Variants in PBX3 observed in about 807,000 individuals in gnomAD.
PBX3 encodes the protein PBX homeobox 3.
In PBX3, 14 loss-of-function variants were observed where a neutral mutation model predicts 48.5. The ratio of observed to expected loss-of-function variants is 0.29; its 90% CI spans 0.19 to 0.45. PBX3 has a LOEUF of 0.45. PBX3 is among the 20% of genes least tolerant of loss of function. The pLI, the probability that PBX3 is intolerant of heterozygous loss-of-function variation, is 1.00. For synonymous variants in PBX3, 210 were observed against 200.3 expected (o/e 1.05, Z -0.41); for missense variants, 386 against 546.7 (o/e 0.71, Z 2.93).
At chr9:125,802,386 A>T (rs1310278136) in intron 2 of PBX3, among the ~76,000 whole-genome samples, 1 of 30,332 alleles carries the variant, frequency 3.3e-5, no homozygotes, top group Non-Finnish European at 8.4e-5. Flanking sequence ...TTTTTTTTTA[A>T]AGACAGGGTC....
intron 2 of PBX3, among the ~76,000 whole-genome samples, chr9:125,869,693 C>T (rs1173589665): frequency 6.6e-6 from 1 of 152,080 alleles, no homozygotes; most frequent in Non-Finnish European, 1.5e-5. Context: ...AAGGTATCTT[C>T]AGACTCATAA....
chr9:125,927,625 A>G (rs1193503056), intron 3 of PBX3, among the ~76,000 whole-genome samples: 1 of 152,194 alleles, frequency 6.6e-6, no homozygotes, highest in Non-Finnish European at 1.5e-5. Context: ...CCCATCCTGC[A>G]TTTTTAAGAA....
At chr9:125,905,175 G>GA (rs1170435423) in intron 2 of PBX3, among the ~76,000 whole-genome samples, 1 of 151,702 alleles carries the variant, frequency 6.6e-6, no homozygotes, top group Non-Finnish European at 1.5e-5. Context: ...AAGTAACTGG[G>GA]AAAAAAACTG....
intron 2 of PBX3, among the ~76,000 whole-genome samples, chr9:125,791,668 GCTCA>G (rs1837614397): frequency 1.3e-5 from 2 of 152,244 alleles, no homozygotes; most frequent in South Asian, 4.1e-4. Flanking sequence ...GGGCGCGGTG[GCTCA>G]CGCCTGTAAT....
intron 2 of PBX3, among the ~76,000 whole-genome samples, chr9:125,886,826 T>A (rs757398665): frequency 4.0e-4 from 61 of 152,076 alleles, no homozygotes; most frequent in Admixed American, 7.9e-4. Context: ...TTCTGAAAAA[T>A]TTTTTTATTT....
chr9:125,840,613 T>G (rs1175964765), intron 2 of PBX3, among the ~76,000 whole-genome samples: 2 of 151,920 alleles, frequency 1.3e-5, no homozygotes, highest in African/African-American at 4.8e-5. Flanking sequence ...CCTTGGTACA[T>G]TGACTGTAAT....
intron 1 of PBX3, 142 bp downstream of exon 1, chr9:125,747,795 C>T (rs1466012144): frequency 3.7e-5 from 22 of 589,392 alleles, no homozygotes; most frequent in Non-Finnish European, 5.5e-5. Context: ...CCCGCCCCGG[C>T]CTCGGGGGGA....
At chr9:125,826,663 T>G (rs1838816777) in intron 2 of PBX3, among the ~76,000 whole-genome samples, 1 of 152,118 alleles carries the variant, frequency 6.6e-6, no homozygotes. Flanking sequence ...GTACTAAGTA[T>G]TTAGATGGTT....
At chr9:125,827,965 A>G (rs1838855190) in intron 2 of PBX3, among the ~76,000 whole-genome samples, 1 of 152,146 alleles carries the variant, frequency 6.6e-6, no homozygotes, top group Non-Finnish European at 1.5e-5. Flanking sequence ...TTCTGGAACT[A>G]CGCATTTTGG....
chr9:125,948,722 A>G lies in PBX3; in HGVS notation c.844-11962A>G, dbSNP rs72752665. On this transcript the variant is annotated intron_variant, in intron 5 of 8. Coordinates refer to ENST00000373489, the MANE Select transcript of PBX3 (RefSeq NM_006195.6). ...GGTATATACGTGTGTGTGTGTGTGT[A>G]TATATATATATATACATGCACACAG... Among the ~76,000 whole-genome samples the G allele has an allele frequency of 8.4e-3, 812 of 96,472 alleles. 6 individuals carry two copies. The highest frequency in any genetic ancestry group is 0.023 in the East Asian group (61 of 2,630). The allele number at this position is 96,472 out of a possible 152,430, so 63.3% of individuals were successfully genotyped here. A position where few individuals can be genotyped will look rare whatever the true frequency, so the allele number is the denominator to read the frequency against.
intron 2 of PBX3, among the ~76,000 whole-genome samples, chr9:125,796,290 C>G (rs1036819489): frequency 6.6e-6 from 1 of 152,136 alleles, no homozygotes; most frequent in African/African-American, 2.4e-5. Flanking sequence ...TTAGCCTTTG[C>G]TTTTACAGAT....
intron 2 of PBX3, among the ~76,000 whole-genome samples, chr9:125,856,640 A>G (rs530944157): frequency 6.6e-6 from 1 of 152,328 alleles, no homozygotes; most frequent in South Asian, 2.1e-4. Flanking sequence ...ATCGTTGACA[A>G]ACTGCTCTTA....
At chr9:125,940,785 G>T (rs1841944555) in intron 5 of PBX3, among the ~76,000 whole-genome samples, 1 of 152,180 alleles carries the variant, frequency 6.6e-6, no homozygotes, top group Non-Finnish European at 1.5e-5. Flanking sequence ...AAAAACAAGA[G>T]AAATTAACCT....
At chr9:125,949,253 A>G in intron 5 of PBX3, 2 of 1,208,982 alleles carry the variant, frequency 1.7e-6, no homozygotes, top group Non-Finnish European at 2.3e-6. Flanking sequence ...TAATTTGCTC[A>G]GGGGATTCAG....
intron 2 of PBX3, among the ~76,000 whole-genome samples, chr9:125,818,922 G>GA (rs1838562567): frequency 6.0e-5 from 9 of 151,186 alleles, no homozygotes; most frequent in Admixed American, 1.3e-4. Context: ...TGCAGCCTCC[G>GA]TCTCCCAGGT....
rs1395873132 is a variant in PBX3, at chr9:125,965,863, A to G, written c.1245A>G (p.Pro415=). The G allele has an allele frequency of 6.2e-7, 1 of 1,614,160 alleles. No individual in the cohort carries two copies. The highest frequency in any genetic ancestry group is 1.7e-5 in the Admixed American group (1 of 60,028). ...ANGGWQDATT[P]SSVTSPTEGP... ...GAGGCTGGCAGGACGCAACAACTCCATCTTCTGTGACTTCTCCTACAGAAG... is the reference window on the plus strand; with the variant it reads ...GAGGCTGGCAGGACGCAACAACTCCGTCTTCTGTGACTTCTCCTACAGAAG... Residue 415 remains proline (P), a synonymous_variant, in exon 9 of 9, where the codon CCA becomes CCG. Transcript: ENST00000373489.
At chr9:125,815,181 A>G (rs1278274411) in intron 2 of PBX3, among the ~76,000 whole-genome samples, 3 of 152,212 alleles carry the variant, frequency 2.0e-5, no homozygotes, top group Non-Finnish European at 4.4e-5. Flanking sequence ...CCATTTTGAA[A>G]AGAATATTTT....
At chr9:125,781,986 A>G (rs1306472267) in intron 2 of PBX3, among the ~76,000 whole-genome samples, 1 of 150,814 alleles carries the variant, frequency 6.6e-6, no homozygotes, top group East Asian at 1.9e-4. Flanking sequence ...TCCCCTTCTA[A>G]TTTCCTTTTG....
intron 2 of PBX3, among the ~76,000 whole-genome samples, chr9:125,785,027 T>C (rs1012365227): frequency 2.6e-5 from 4 of 152,272 alleles, no homozygotes; most frequent in African/African-American, 4.8e-5. Flanking sequence ...GTTACTTTAC[T>C]GTTTGCCTCA....
Sources: gnomAD v4.1 joint callset for allele counts (sites outside exome capture counted in the v4.1 genomes callset) on GRCh38, gnomAD v4.1.1 for gene constraint, MANE v1.5 for transcripts, NCBI Gene and HGNC (gene_info 2026-07-23, HGNC 2026-07-21) for gene names.